PNPLA7: variants seen among roughly 807,000 people sequenced by gnomAD.
PNPLA7 encodes the protein patatin-like phospholipase domain-containing protein 7.
Under a neutral mutation model 161.7 loss-of-function variants are expected in PNPLA7, and 153 were observed. The observed-to-expected ratio is 0.95, with a 90% confidence interval of 0.83 to 1.08. The LOEUF is 1.08. Among genes scored for constraint, PNPLA7 ranks in the 50% least tolerant of loss-of-function variants. PNPLA7 has a pLI of 0.00. For missense variants in PNPLA7, 1,739 were observed against 1,856.6 expected, an observed-to-expected ratio of 0.94 and a Z score of 1.16; for synonymous variants, 809 against 782.1, an observed-to-expected ratio of 1.03 and a Z score of -0.57.
chr9:137,498,094 T>A lies in PNPLA7; in HGVS notation c.1889+20A>T. 3.1e-6 allele frequency: 5 copies of A among 1,610,630 alleles called. No individual in the cohort carries two copies. The highest frequency in any genetic ancestry group is 3.4e-6 in the Non-Finnish European group (4 of 1,178,294). On this transcript the variant is annotated intron_variant, in intron 17 of 34. Transcript: ENST00000406427. The stretch of plus-strand genomic sequence containing the variant: ...GCCAGGGCAGCATGGATGCGGAGTG[T>A]GTGGCACCCACGGCCTCACCTGTAT...
At chr9:137,531,107 T>C (rs1835559282) in intron 8 of PNPLA7, among the ~76,000 whole-genome samples, 1 of 152,116 alleles carries the variant, frequency 6.6e-6, no homozygotes, top group African/African-American at 2.4e-5. Flanking sequence ...CTAAGAGAGC[T>C]ACACCACACC....
intron 25 of PNPLA7, among the ~76,000 whole-genome samples, chr9:137,475,480 T>G (rs1831906746): frequency 6.6e-6 from 1 of 152,190 alleles, no homozygotes; most frequent in African/African-American, 2.4e-5. Flanking sequence ...GTTCACGCCA[T>G]TCTCCTGCCT....
chr9:137,528,890 C>T (rs1429535501), intron 8 of PNPLA7, among the ~76,000 whole-genome samples: 7 of 151,688 alleles, frequency 4.6e-5, no homozygotes, highest in African/African-American at 1.4e-4. Flanking sequence ...TTAGTAGAGA[C>T]GAGGTTTCAC....
chr9:137,547,478 G>T lies in PNPLA7; in HGVS notation c.106-82C>A. 1 of 1,592,304 alleles carries T rather than the reference G, an allele frequency of 6.3e-7. No homozygotes were observed. The highest frequency in any genetic ancestry group is 8.6e-7 in the Non-Finnish European group (1 of 1,161,364). On this transcript the variant is annotated intron_variant, in intron 2 of 34. Coordinates refer to ENST00000406427, the MANE Select transcript of PNPLA7 (RefSeq NM_001098537.3). This position sits in a 1 kb window ranked among gnomAD's most constrained non-coding sequence, Gnocchi z 4.6. ...CCTAAGCCTGCCCCCACCCCTGGCT[G>T]CCCAACCACAGGCTGGGCAGGAATG...
rs1030243136 is a variant in PNPLA7 at position 137,515,707 on chromosome 9, C to A, written c.1085-188G>T. Among the ~76,000 whole-genome samples the A allele has an allele frequency of 6.6e-5, 10 of 151,272 alleles. 1 individual carries two copies. Among genetic ancestry groups the A allele is most frequent in the East Asian group, 2.0e-4 (1 of 5,062 alleles). On this transcript the variant is annotated intron_variant, in intron 11 of 34. Coordinates refer to ENST00000406427, the MANE Select transcript of PNPLA7 (RefSeq NM_001098537.3). Reference sequence around the variant, plus strand: ...CCAGCAGGTGAGTGCAAGCGAGTGCCGGCCTCTGACTAGCCCTGGCCCCTC... The same window carrying A: ...CCAGCAGGTGAGTGCAAGCGAGTGCAGGCCTCTGACTAGCCCTGGCCCCTC...
Position 137,480,333 on chromosome 9 carries a change from G to A in PNPLA7, c.2559C>T (p.Asp853=). The change falls in exon 23 of 35, where the codon GAC becomes GAT. Residue 853 remains aspartate (D), a synonymous_variant. Coordinates refer to ENST00000406427, the MANE Select transcript of PNPLA7 (RefSeq NM_001098537.3). The part of the protein sequence containing the change: ...ADCILIVGLG[D]QEPTVGELER... ...TCACCTCGCCCACTGTGGGCTCCTG[G>A]TCACCCAGGCCCACGATGAGGATGC... is the stretch of plus-strand genomic sequence containing the variant. 2.5e-6 allele frequency: 4 copies of A among 1,612,708 alleles called. No individual in the cohort carries two copies. The highest frequency in any genetic ancestry group is 3.4e-6 in the Non-Finnish European group (4 of 1,179,816).
rs1835158528 is a variant in PNPLA7 at position 137,523,767 on chromosome 9, C to T, written c.748-910G>A. 6.6e-6 allele frequency among the ~76,000 whole-genome samples: 1 copy of T among 152,140 alleles called. No individual in the cohort carries two copies. The highest frequency in any genetic ancestry group is 1.5e-5 in the Non-Finnish European group (1 of 68,028). On this transcript the variant is annotated intron_variant, in intron 8 of 34. Transcript: ENST00000406427. The surrounding 1 kb of genome is among the most constrained non-coding windows in gnomAD (Gnocchi z 4.4). The stretch of plus-strand genomic sequence containing the variant: ...TCAGCCTCCACAGTAGCTGGGGCTA[C>T]AAGCGCCCGCCACCACGCCCGGCTA...
Position 137,505,698 on chromosome 9 carries a change from G to A in PNPLA7, c.1389C>T (p.His463=). ...TCCTGCTGGCCAGGGTCTCATCCGT[G>A]TGACTCTCTGAGTGCTGGGAGACCG... ...PSTVSQHSES[H]TDETLASRKS... is the part of the protein sequence containing the mutation. Residue 463 remains histidine, a synonymous_variant, in exon 14 of 35, where the codon CAC becomes CAT. Coordinates refer to ENST00000406427, the MANE Select transcript of PNPLA7 (RefSeq NM_001098537.3). 1.2e-6 allele frequency: 2 copies of A among 1,614,158 alleles called. No individual in the cohort carries two copies. The highest frequency in any genetic ancestry group is 1.3e-5 in the African/African-American group (1 of 75,068).
intron 8 of PNPLA7, among the ~76,000 whole-genome samples, chr9:137,528,764 G>A (rs1276479676): frequency 1.3e-5 from 2 of 150,696 alleles, no homozygotes; most frequent in Non-Finnish European, 2.9e-5. Flanking sequence ...GCAGTGGTGC[G>A]ATCTTGGCTC....
chr9:137,488,505 G>A (rs1376283962), intron 20 of PNPLA7, among the ~76,000 whole-genome samples: 1 of 152,234 alleles, frequency 6.6e-6, no homozygotes, highest in Non-Finnish European at 1.5e-5. Flanking sequence ...AGAGCTCGAG[G>A]CAGCTCTCGC....
chr9:137,547,765 C>G lies in PNPLA7; in HGVS notation c.31-106G>C. ...GGGAGTTAGGGGAGAAGTCAGCAGCCCTGGAGACTTCTGGGAAGAAGTGAT... is the reference window on the plus strand; with the variant it reads ...GGGAGTTAGGGGAGAAGTCAGCAGCGCTGGAGACTTCTGGGAAGAAGTGAT... On this transcript the variant is annotated intron_variant, in intron 1 of 34. Coordinates refer to ENST00000406427, the MANE Select transcript of PNPLA7 (RefSeq NM_001098537.3). The surrounding 1 kb of genome is among the most constrained non-coding windows in gnomAD (Gnocchi z 4.6). 9.3e-7 allele frequency: 1 copy of G among 1,071,084 alleles called. No individual in the cohort carries two copies. Among genetic ancestry groups the G allele is most frequent in the Non-Finnish European group, 1.4e-6 (1 of 695,990 alleles). 66.3% of individuals were successfully genotyped at this position (1,071,084 alleles called of 1,614,324 possible).
chr9:137,492,452 C>A (rs893267823), intron 20 of PNPLA7: 1 of 170,820 alleles, frequency 5.9e-6, no homozygotes, highest in African/African-American at 2.9e-5. Flanking sequence ...GGGCGGGGCT[C>A]TGAGGTAGGT....
chr9:137,482,380 G>A (rs1832262261), intron 21 of PNPLA7, among the ~76,000 whole-genome samples: 1 of 152,254 alleles, frequency 6.6e-6, no homozygotes, highest in African/African-American at 2.4e-5. Flanking sequence ...CGTCCAGGCA[G>A]CGGACGATGA....
rs746981934 is a variant in PNPLA7, at chr9:137,506,023, A to T, written c.1286T>A (p.Leu429Gln). The change falls in exon 13 of 35, where the codon CTG becomes CAG. Residue 429 changes from leucine (L) to glutamine (Q), a missense_variant. By Grantham distance (113) the Leu-to-Gln change is moderately radical. This residue lies in a region of PNPLA7 where 481 missense variants were observed against 450.0 expected (regional missense o/e 1.07). Coordinates refer to ENST00000406427, the MANE Select transcript of PNPLA7 (RefSeq NM_001098537.3). Reference sequence around the variant, plus strand: ...GCTCCCGGGGTGCTCGTCCGAGTGCAGGAAGACCCTGGCACGGTCACATGC... The same window carrying T: ...GCTCCCGGGGTGCTCGTCCGAGTGCTGGAAGACCCTGGCACGGTCACATGC... ...GMACDRARVF[L>Q]HSDEHPGSSV... is the part of the protein sequence containing the mutation. 4 of 1,613,034 alleles carry T rather than the reference A, an allele frequency of 2.5e-6. No homozygotes were observed. Among genetic ancestry groups the T allele is most frequent in the Non-Finnish European group, 3.4e-6 (4 of 1,179,802 alleles).
rs1354835862 is a variant in PNPLA7 at position 137,486,663 on chromosome 9, C to T, written c.2198-1927G>A. ...GACCCACCAAAGCTCAGTCCCCGCCCTCAGTCCAACTCAGCACCGGGAGCC... is the reference window on the plus strand; with the variant it reads ...GACCCACCAAAGCTCAGTCCCCGCCTTCAGTCCAACTCAGCACCGGGAGCC... On this transcript the variant is annotated intron_variant, in intron 20 of 34. Coordinates refer to ENST00000406427, the MANE Select transcript of PNPLA7 (RefSeq NM_001098537.3). This position sits in a 1 kb window ranked among gnomAD's most constrained non-coding sequence, Gnocchi z 6.0. Among the ~76,000 whole-genome samples, 1 of 152,174 alleles carries T rather than the reference C, an allele frequency of 6.6e-6. No homozygotes were observed. Among genetic ancestry groups the T allele is most frequent in the Non-Finnish European group, 1.5e-5 (1 of 68,024 alleles).
intron 8 of PNPLA7, among the ~76,000 whole-genome samples, chr9:137,526,542 G>T (rs1286957450): frequency 6.6e-6 from 1 of 152,170 alleles, no homozygotes. Context: ...CTCCCAAAGT[G>T]CTGGGATTAC....
chr9:137,550,049 C>T (rs528160673), intron 1 of PNPLA7, 119 bp downstream of exon 1: 102 of 1,242,950 alleles, frequency 8.2e-5, no homozygotes, highest in Admixed American at 1.0e-4. Context: ...AGTCCTCAGG[C>T]GCCAAGAAGC....
At position 137,538,167 on chromosome 9, in the gene PNPLA7, C is replaced by T. The variant is rs144801635; in HGVS notation, c.747+2475G>A. Reference sequence around the variant, plus strand: ...TCGAAGATGAGCACCGGCCTTCTAACGGCAGGTCAGCCTTGCTCAAAGGAG... The same window carrying T: ...TCGAAGATGAGCACCGGCCTTCTAATGGCAGGTCAGCCTTGCTCAAAGGAG... On this transcript the variant is annotated intron_variant, in intron 8 of 34. Transcript: ENST00000406427. Among the ~76,000 whole-genome samples the T allele has an allele frequency of 4.4e-4, 67 of 152,336 alleles. 2 individuals are homozygous for T. Among genetic ancestry groups the T allele is most frequent in the African/African-American group, 1.5e-3 (63 of 41,566 alleles).
At chr9:137,516,651 T>C (rs1834587666) in intron 11 of PNPLA7, 1 of 426,256 alleles carries the variant, frequency 2.3e-6, no homozygotes, top group South Asian at 1.0e-4. Context: ...TTTACAAAAA[T>C]TTAAAAATAA....
Sources: allele counts gnomAD v4.1 joint callset (sites outside exome capture counted in the v4.1 genomes callset), GRCh38; gene constraint gnomAD v4.1.1; regional missense constraint gnomAD v4.1.1; non-coding constraint Gnocchi (gnomAD v3.1); transcripts MANE v1.5; gene names NCBI Gene and HGNC (gene_info 2026-07-23, HGNC 2026-07-21).